The following CTNNBL1 variants were observed in gnomAD, a reference collection of about 807,000 sequenced individuals.
CTNNBL1 encodes catenin beta like 1.
In CTNNBL1, 31 loss-of-function variants were observed where a neutral mutation model predicts 72.7. The observed-to-expected ratio is 0.43, with a 90% CI of 0.32 to 0.58. The LOEUF (loss-of-function observed/expected upper bound fraction) is 0.58, where lower values mean the gene tolerates loss of function less well. CTNNBL1 is among the 20% of genes least tolerant of loss of function. The pLI is 0.08. For missense variants in CTNNBL1, 534 were observed against 725.1 expected, an observed-to-expected ratio of 0.74 and a Z score of 3.03; for synonymous variants, 240 against 267.3, an observed-to-expected ratio of 0.90 and a Z score of 1.00.
chr20:37,773,411 C>T (rs542162559), intron 7 of CTNNBL1, among the ~76,000 whole-genome samples: 4 of 152,284 alleles, frequency 2.6e-5, no homozygotes, highest in African/African-American at 9.6e-5. Flanking sequence ...TTATTCAAGG[C>T]TAGTACATGC....
chr20:37,786,380 C>T (rs2073673409), intron 10 of CTNNBL1, among the ~76,000 whole-genome samples: 1 of 152,216 alleles, frequency 6.6e-6, no homozygotes, highest in Non-Finnish European at 1.5e-5. Context: ...GGCAGCTCTA[C>T]AGATGCCATC....
chr20:37,871,597 G>A (rs149309731), intron 15 of CTNNBL1, among the ~76,000 whole-genome samples: 70 of 152,274 alleles, frequency 4.6e-4, no homozygotes, highest in South Asian at 3.3e-3. Context: ...CCTTCGATGC[G>A]TTGAGGATGA....
intron 4 of CTNNBL1, chr20:37,750,917 T>G (rs1481566353): frequency 6.6e-6 from 1 of 152,184 alleles, no homozygotes; most frequent in Non-Finnish European, 1.5e-5. Context: ...GAAACACCAC[T>G]GATTGGAGCC....
At chr20:37,762,255 A>G (rs1201188990) in intron 5 of CTNNBL1, among the ~76,000 whole-genome samples, 1 of 152,122 alleles carries the variant, frequency 6.6e-6, no homozygotes, top group African/African-American at 2.4e-5. Context: ...TTTTATTGTT[A>G]TTACTGTGTT....
intron 4 of CTNNBL1, among the ~76,000 whole-genome samples, chr20:37,754,562 G>T (rs184009479): frequency 6.6e-6 from 1 of 152,262 alleles, no homozygotes; most frequent in East Asian, 1.9e-4. Flanking sequence ...TTTCTTGGAA[G>T]AGTGGGGAGG....
chr20:37,727,099 A>G (rs1283226374), intron 1 of CTNNBL1, among the ~76,000 whole-genome samples: 3 of 152,096 alleles, frequency 2.0e-5, no homozygotes, highest in Non-Finnish European at 2.9e-5. Context: ...TTTGAGCTCA[A>G]TATAACTGCA....
At chr20:37,752,894 G>GCT (rs2073333583) in intron 4 of CTNNBL1, among the ~76,000 whole-genome samples, 1 of 152,044 alleles carries the variant, frequency 6.6e-6, no homozygotes, top group Non-Finnish European at 1.5e-5. Flanking sequence ...AGGGAGACAG[G>GCT]CTCTCTCTTT....
intron 11 of CTNNBL1, among the ~76,000 whole-genome samples, chr20:37,826,593 A>G (rs2072162098): frequency 6.6e-6 from 1 of 152,224 alleles, no homozygotes; most frequent in Non-Finnish European, 1.5e-5. Context: ...TTCCAAGTGC[A>G]CACTTTTTCT....
In CTNNBL1 at chr20:37,776,338, T is replaced by C. The variant is rs372671787; in HGVS notation, c.751-1007T>C. Among the ~76,000 whole-genome samples the C allele has an allele frequency of 2.9e-4, 44 of 152,332 alleles. No homozygotes were observed. The East Asian group carries it at 5.0e-3, about 17-fold the overall frequency. ...ATATTGCTTGATTAGGTACAACTCT[T>C]CCTCTTTAAGTATAAAACCAATATC... On this transcript the variant is annotated intron_variant, in intron 7 of 15. Transcript: ENST00000361383.
intron 10 of CTNNBL1, among the ~76,000 whole-genome samples, chr20:37,795,521 A>G (rs540699803): frequency 7.1e-4 from 108 of 152,170 alleles, no homozygotes; most frequent in Non-Finnish European, 5.9e-4. Flanking sequence ...TTCACTGATG[A>G]TGTGTTCATT....
At chr20:37,717,143 C>G (rs896405913) in intron 1 of CTNNBL1, among the ~76,000 whole-genome samples, 1 of 149,522 alleles carries the variant, frequency 6.7e-6, no homozygotes, top group African/African-American at 2.6e-5. Flanking sequence ...AGTATACACT[C>G]TTTTCCCCCA....
intron 1 of CTNNBL1, among the ~76,000 whole-genome samples, chr20:37,697,322 C>T (rs900887456): frequency 1.3e-5 from 2 of 151,836 alleles, no homozygotes; most frequent in African/African-American, 4.8e-5. Context: ...GTAATGTGGT[C>T]GAGGAAGGAC....
chr20:37,869,023 C>G (rs909771), intron 15 of CTNNBL1, among the ~76,000 whole-genome samples: 53,554 of 152,030 alleles, frequency 0.35, 9,865 homozygotes, highest in Admixed American at 0.48. Flanking sequence ...AGCCCCAGAG[C>G]CTTCTGCCAA....
intron 10 of CTNNBL1, among the ~76,000 whole-genome samples, chr20:37,797,982 G>A (rs2073793275): frequency 6.6e-6 from 1 of 152,032 alleles, no homozygotes; most frequent in Admixed American, 6.6e-5. Context: ...TCCTTTTTAA[G>A]TCCTCCCTGA....
At chr20:37,781,660 T>C (rs2073626653) in intron 10 of CTNNBL1, among the ~76,000 whole-genome samples, 1 of 152,192 alleles carries the variant, frequency 6.6e-6, no homozygotes, top group African/African-American at 2.4e-5. Context: ...GAAAGTTTAA[T>C]TGGGATGGAA....
chr20:37,740,350 C>T (rs541109176), intron 3 of CTNNBL1, among the ~76,000 whole-genome samples: 16 of 152,236 alleles, frequency 1.1e-4, no homozygotes, highest in African/African-American at 3.1e-4. Context: ...TGAAACTTTC[C>T]GGTTGAGATC....
intron 4 of CTNNBL1, among the ~76,000 whole-genome samples, 197 bp from the exon 5 acceptor site, chr20:37,757,362 A>G (rs1331750249): frequency 1.3e-5 from 2 of 152,268 alleles, no homozygotes; most frequent in African/African-American, 2.4e-5. Context: ...GCATAAGGCA[A>G]GAGACTGAGT....
intron 10 of CTNNBL1, among the ~76,000 whole-genome samples, chr20:37,800,045 T>G (rs974126910): frequency 2.6e-5 from 4 of 152,228 alleles, no homozygotes; most frequent in African/African-American, 7.2e-5. Flanking sequence ...GCACTCTTTG[T>G]GACCAGTAGC....
At chr20:37,762,969 A>G (rs1309259151) in intron 5 of CTNNBL1, among the ~76,000 whole-genome samples, 2 of 152,216 alleles carry the variant, frequency 1.3e-5, no homozygotes. Context: ...GCTCACTGAC[A>G]GTGTCCCCAC....
Sources: gnomAD v4.1 joint callset for allele counts (sites outside exome capture counted in the v4.1 genomes callset) on GRCh38, gnomAD v4.1.1 for gene constraint, MANE v1.5 for transcripts, NCBI Gene and HGNC (gene_info 2026-07-23, HGNC 2026-07-21) for gene names.